The following UBE2Q2 variants were observed in gnomAD, a reference collection of about 807,000 sequenced individuals.
The protein encoded by UBE2Q2 is ubiquitin conjugating enzyme E2 Q2.
UBE2Q2 carries 54 observed loss-of-function variants against 59.9 expected under a neutral mutation model. The observed-to-expected ratio is 0.90, with a 90% confidence interval of 0.72 to 1.13. UBE2Q2 has a LOEUF of 1.13. UBE2Q2 is among the 50% of genes most tolerant of loss of function. UBE2Q2 has a pLI of 0.00. For missense variants in UBE2Q2, 433 were observed against 441.9 expected, an observed-to-expected ratio of 0.98 and a Z score of 0.18; for synonymous variants, 165 against 155.2, an observed-to-expected ratio of 1.06 and a Z score of -0.47.
At chr15:75,887,534 T>G (rs1036440071) in intron 9 of UBE2Q2, among the ~76,000 whole-genome samples, 1 of 150,362 alleles carries the variant, frequency 6.7e-6, no homozygotes, top group Non-Finnish European at 1.5e-5. Context: ...TAATATCTTG[T>G]ACTTAAACAG....
At chr15:75,867,195 C>G (rs2141597617) in intron 3 of UBE2Q2, among the ~76,000 whole-genome samples, 1 of 152,280 alleles carries the variant, frequency 6.6e-6, no homozygotes, top group East Asian at 1.9e-4. Context: ...TAAGATTTTG[C>G]TGCTGCATTG....
intron 7 of UBE2Q2, among the ~76,000 whole-genome samples, 195 bp from the exon 8 acceptor site, chr15:75,878,903 A>G (rs1486764846): frequency 1.3e-5 from 2 of 151,918 alleles, no homozygotes; most frequent in Non-Finnish European, 2.9e-5. Flanking sequence ...TCTTTTGGAC[A>G]TTTATTCCCA....
chr15:75,845,947 A>T (rs1896322768), intron 1 of UBE2Q2, among the ~76,000 whole-genome samples: 2 of 152,356 alleles, frequency 1.3e-5, no homozygotes, highest in Admixed American at 6.5e-5. Flanking sequence ...AATGGCACCC[A>T]CCGCTAGGTA....
At chr15:75,867,268 G>GAT (rs1377819010) in intron 3 of UBE2Q2, among the ~76,000 whole-genome samples, 19 of 152,340 alleles carry the variant, frequency 1.2e-4, no homozygotes, top group Non-Finnish European at 2.5e-4. Flanking sequence ...AGGCCATCAA[G>GAT]ATAGGGTTCC....
rs988775859 is a variant in UBE2Q2, at chr15:75,879,299, A to G, written c.825+111A>G. 3.7e-5 allele frequency: 22 copies of G among 589,220 alleles called. No individual in the cohort carries two copies. In the African/African-American group the frequency reaches 4.0e-4, roughly 11 times the overall value. The allele number at this position is 589,220 out of a possible 1,614,324, so 36.5% of individuals were successfully genotyped here. A position where few individuals can be genotyped will look rare whatever the true frequency, so the allele number is the denominator to read the frequency against. On this transcript the variant is annotated intron_variant, in intron 8 of 12. Coordinates refer to ENST00000267938, the MANE Select transcript of UBE2Q2 (RefSeq NM_173469.4). ...AGAAGATACTCATACCCTATGGTTC[A>G]GGAATCTCGTAGACATATTCTCCGT... is the stretch of plus-strand genomic sequence containing the variant.
In UBE2Q2 at chr15:75,843,593, G is replaced by A. The variant is rs1401175263; in HGVS notation, c.-74G>A. On this transcript the variant is annotated 5_prime_UTR_variant, in exon 1 of 13. Coordinates refer to ENST00000267938, the MANE Select transcript of UBE2Q2 (RefSeq NM_173469.4). ...CCCGCGGGGCGGTCGCGGCCGTGAC[G>A]GCGGCTCCGGGCCCGGCTCCCCTTC... 3.7e-6 allele frequency: 5 copies of A among 1,355,288 alleles called. No individual in the cohort carries two copies. The highest frequency in any genetic ancestry group is 2.7e-5 in the Admixed American group (1 of 37,160). The allele number at this position is 1,355,288 out of a possible 1,614,324, so 84.0% of individuals were successfully genotyped here.
At chr15:75,877,480 A>G (rs964153169) in intron 6 of UBE2Q2, among the ~76,000 whole-genome samples, 3 of 87,116 alleles carry the variant, frequency 3.4e-5, no homozygotes, top group South Asian at 3.3e-4. Context: ...GTTTATATAG[A>G]AAAAAAAAAA....
At chr15:75,846,379 A>G (rs1480279986) in intron 1 of UBE2Q2, among the ~76,000 whole-genome samples, 1 of 152,124 alleles carries the variant, frequency 6.6e-6, no homozygotes, top group Non-Finnish European at 1.5e-5. Flanking sequence ...CTGGGATTAC[A>G]GGTTTCCGCC....
intron 5 of UBE2Q2, 147 bp downstream of exon 5, chr15:75,873,715 C>T (rs1010612218): frequency 1.1e-6 from 1 of 912,644 alleles, no homozygotes; most frequent in South Asian, 1.7e-5. Context: ...TGTTTTAAAA[C>T]AGGGTCTTGC....
intron 1 of UBE2Q2, 35 bp from the exon 2 acceptor site, chr15:75,854,351 T>C (rs751151952): frequency 6.5e-7 from 1 of 1,546,876 alleles, no homozygotes; most frequent in Non-Finnish European, 8.9e-7. Context: ...TTAGTCTGTA[T>C]GTAAATGTTT....
chr15:75,844,977 A>G (rs1896259191), intron 1 of UBE2Q2, among the ~76,000 whole-genome samples: 1 of 152,134 alleles, frequency 6.6e-6, no homozygotes, highest in Non-Finnish European at 1.5e-5. Flanking sequence ...CAAAAAAAAA[A>G]AGACAAGTGC....
intron 4 of UBE2Q2, among the ~76,000 whole-genome samples, chr15:75,869,576 T>C (rs1193254878): frequency 6.6e-6 from 1 of 152,198 alleles, no homozygotes; most frequent in East Asian, 1.9e-4. Flanking sequence ...AGGACCTTCT[T>C]GTTGCATCCT....
At chr15:75,861,058 A>G (rs186807820) in intron 3 of UBE2Q2, among the ~76,000 whole-genome samples, 8 of 152,330 alleles carry the variant, frequency 5.3e-5, no homozygotes, top group East Asian at 1.9e-4. Flanking sequence ...TGCTCTATGC[A>G]TCAATTTTCC....
chr15:75,880,281 T>A (rs1404355549), intron 8 of UBE2Q2, among the ~76,000 whole-genome samples: 1 of 151,820 alleles, frequency 6.6e-6, no homozygotes, highest in Non-Finnish European at 1.5e-5. Context: ...CCCGGCTAAT[T>A]TTTTTATTTT....
chr15:75,868,900 C>A, intron 3 of UBE2Q2, 51 bp from the exon 4 acceptor site: 1 of 1,543,872 alleles, frequency 6.5e-7, no homozygotes, highest in Non-Finnish European at 8.9e-7. Context: ...ATGTACTCAG[C>A]CTGTGCATAT....
At chr15:75,845,769 A>G (rs918677053) in intron 1 of UBE2Q2, among the ~76,000 whole-genome samples, 1 of 152,212 alleles carries the variant, frequency 6.6e-6, no homozygotes, top group African/African-American at 2.4e-5. Context: ...GAATTATCCC[A>G]CCTAAAGTGC....
rs28685283 is a variant in UBE2Q2, at chr15:75,883,473, A to T, written c.884+49A>T. On this transcript the variant is annotated intron_variant, in intron 9 of 12. Coordinates refer to ENST00000267938, the MANE Select transcript of UBE2Q2 (RefSeq NM_173469.4). ...AAGAAATTTTTTTCAGTTAAAAAAAATTTTTTTTTATAGGGACGAGATCTC... is the reference window on the plus strand; with the variant it reads ...AAGAAATTTTTTTCAGTTAAAAAAATTTTTTTTTTATAGGGACGAGATCTC... 2,290 of 1,430,922 alleles carry T rather than the reference A, an allele frequency of 1.6e-3. 27 individuals are homozygous for T. Among genetic ancestry groups the T allele is most frequent in the African/African-American group, 0.015 (1,062 of 69,798 alleles). The allele number at this position is 1,430,922 out of a possible 1,614,324, so 88.6% of individuals were successfully genotyped here. A position where few individuals can be genotyped will look rare whatever the true frequency, so the allele number is the denominator to read the frequency against.
At chr15:75,891,747 A>G (rs1053513951) in intron 11 of UBE2Q2, among the ~76,000 whole-genome samples, 3 of 152,212 alleles carry the variant, frequency 2.0e-5, no homozygotes, top group African/African-American at 7.2e-5. Flanking sequence ...AACCTGAAGC[A>G]TAGGCTGTAA....
At chr15:75,846,096 G>GT (rs1229651638) in intron 1 of UBE2Q2, among the ~76,000 whole-genome samples, 1 of 152,176 alleles carries the variant, frequency 6.6e-6, no homozygotes, top group Non-Finnish European at 1.5e-5. Flanking sequence ...ACAGTGTAAT[G>GT]TAGCCAGCCT....
Sources: gnomAD v4.1 joint callset for allele counts (sites outside exome capture counted in the v4.1 genomes callset) on GRCh38, gnomAD v4.1.1 for gene constraint, MANE v1.5 for transcripts, NCBI Gene and HGNC (gene_info 2026-07-23, HGNC 2026-07-21) for gene names.